Variants in FGL1 observed in about 807,000 individuals in gnomAD.
FGL1 encodes fibrinogen like 1.
Under a neutral mutation model 43.7 loss-of-function variants are expected in FGL1, and 59 were observed. That is an observed-to-expected ratio of 1.35 (90% CI 1.10 to 1.68). The LOEUF is 1.68. Ranked by LOEUF, FGL1 falls within the 40% of genes most tolerant of loss-of-function variation. The pLI is 0.00. For synonymous variants in FGL1, 192 were observed against 126.5 expected (o/e 1.52, Z -3.48); for missense variants, 596 against 373.0 (o/e 1.60, Z -4.92).
intron 1 of FGL1, 88 bp from the exon 2 acceptor site, chr8:17,885,659 G>T (rs932893108): frequency 3.8e-4 from 408 of 1,066,052 alleles, no homozygotes; most frequent in Non-Finnish European, 5.4e-4. Context: ...CCAGGAAGTC[G>T]GATGCAGCCG....
At chr8:17,869,391 G>C (rs2053322771) in intron 5 of FGL1, among the ~76,000 whole-genome samples, 2 of 152,136 alleles carry the variant, frequency 1.3e-5, no homozygotes, top group Admixed American at 1.3e-4. Flanking sequence ...TGTTGATCTT[G>C]AATATAAATG....
chr8:17,885,691 G>C, intron 1 of FGL1, 120 bp from the exon 2 acceptor site: 5 of 717,962 alleles, frequency 7.0e-6, no homozygotes, highest in South Asian at 1.8e-5. Context: ...TAATCTTAGA[G>C]TCGCCGAGGA....
At chr8:17,866,820 G>C (rs553995468) in intron 7 of FGL1, among the ~76,000 whole-genome samples, 7 of 152,340 alleles carry the variant, frequency 4.6e-5, no homozygotes, top group Admixed American at 4.6e-4. Context: ...AAACATTGGT[G>C]ATGCTTGCAG....
chr8:17,865,144 A>T (rs2053251717), intron 7 of FGL1, among the ~76,000 whole-genome samples: 1 of 152,184 alleles, frequency 6.6e-6, no homozygotes, highest in Admixed American at 6.5e-5. Flanking sequence ...TGAAAATACA[A>T]CCCAGGCCAC....
rs1320560944 is a variant in FGL1 at position 17,882,151 on chromosome 8, A to G, written c.92T>C (p.Met31Thr). 1.2e-6 allele frequency: 2 copies of G among 1,613,812 alleles called. No homozygotes were observed. The highest frequency in any genetic ancestry group is 2.7e-5 in the African/African-American group (2 of 74,906). The change falls in exon 3 of 8, where the codon ATG becomes ACG. Residue 31 changes from methionine to threonine, a missense_variant. Coordinates refer to ENST00000427924, the MANE Select transcript of FGL1 (RefSeq NM_004467.4). ...SALEDCAQEQ[M>T]RLRAQVRLLE... ...CAGGCGCACCTGGGCTCTGAGCCGC[A>G]TCTGCTCCTGGGCACAGTCCTCGAG... is the stretch of plus-strand genomic sequence containing the variant.
Position 17,885,563 on chromosome 8 carries a change from T to A in FGL1, c.-9A>T. 6.2e-7 allele frequency: 1 copy of A among 1,612,732 alleles called. No individual in the cohort carries two copies. The highest frequency in any genetic ancestry group is 8.5e-7 in the Non-Finnish European group (1 of 1,179,384). On this transcript the variant is annotated 5_prime_UTR_variant, in exon 2 of 8. The change creates a new upstream start codon in the 5' untranslated region. Coordinates refer to ENST00000427924, the MANE Select transcript of FGL1 (RefSeq NM_004467.4). ...CTGAACACCTTTGCCATGTTCCCCC[T>A]TGAAAAAACTGCAAGAACAAAAAGA... is the stretch of plus-strand genomic sequence containing the variant.
At chr8:17,867,234 C>T (rs77424039) in intron 7 of FGL1, among the ~76,000 whole-genome samples, 3,171 of 152,002 alleles carry the variant, frequency 0.021, 58 homozygotes, top group South Asian at 0.049. Context: ...GTCTGATAAC[C>T]GAAACAGCTA....
At chr8:17,880,993 G>C (rs961370219) in intron 3 of FGL1, among the ~76,000 whole-genome samples, 3 of 151,896 alleles carry the variant, frequency 2.0e-5, no homozygotes, top group Admixed American at 6.6e-5. Flanking sequence ...TCCTTTTTCT[G>C]CTCCTTTATT....
chr8:17,878,407 C>G (rs1205035331), intron 3 of FGL1, among the ~76,000 whole-genome samples: 2 of 152,182 alleles, frequency 1.3e-5, no homozygotes, highest in Admixed American at 6.5e-5. Flanking sequence ...ACTTTGAAAT[C>G]AAACTCCAGA....
intron 5 of FGL1, among the ~76,000 whole-genome samples, chr8:17,871,491 C>A (rs1047373797): frequency 6.2e-3 from 810 of 131,350 alleles, no homozygotes; most frequent in Non-Finnish European, 6.7e-3. Flanking sequence ...AAATCTGTCT[C>A]AAAAAAAAAA....
At chr8:17,864,871 A>T in intron 7 of FGL1, 120 bp from the exon 8 acceptor site, 2 of 808,788 alleles carry the variant, frequency 2.5e-6, no homozygotes, top group Non-Finnish European at 1.7e-6. Context: ...GCCATTTTTC[A>T]GACAAGTAAA....
chr8:17,886,624 G>C (rs567199136), intron 1 of FGL1, among the ~76,000 whole-genome samples: 1 of 152,146 alleles, frequency 6.6e-6, no homozygotes, highest in Non-Finnish European at 1.5e-5. Context: ...CAGGCGTGGT[G>C]GTGGGCGCCT....
At chr8:17,877,362 G>A (rs192232013) in intron 3 of FGL1, among the ~76,000 whole-genome samples, 2 of 152,306 alleles carry the variant, frequency 1.3e-5, no homozygotes, top group East Asian at 3.9e-4. Context: ...TGATCATGCA[G>A]AAAGTAAGCC....
intron 2 of FGL1, among the ~76,000 whole-genome samples, chr8:17,884,760 G>T (rs557163664): frequency 5.4e-4 from 82 of 152,214 alleles, no homozygotes; most frequent in Admixed American, 3.8e-3. Flanking sequence ...GATTGCATAC[G>T]CATATTTAGT....
intron 3 of FGL1, among the ~76,000 whole-genome samples, chr8:17,877,277 T>C (rs1489148876): frequency 6.6e-6 from 1 of 152,176 alleles, no homozygotes; most frequent in Admixed American, 6.5e-5. Context: ...TACATAATAC[T>C]AGACAGAGGC....
chr8:17,865,915 C>G (rs1300093513), intron 7 of FGL1, among the ~76,000 whole-genome samples: 1 of 152,124 alleles, frequency 6.6e-6, no homozygotes, highest in African/African-American at 2.4e-5. Context: ...ACTGAGCGTT[C>G]TCGAAGTCCT....
chr8:17,885,422 G>T, intron 2 of FGL1, 70 bp downstream of exon 2: 2 of 1,362,528 alleles, frequency 1.5e-6, no homozygotes, highest in Non-Finnish European at 2.1e-6. Context: ...TAGGTTTAAT[G>T]CAAAATGAAA....
intron 7 of FGL1, among the ~76,000 whole-genome samples, chr8:17,866,990 G>T (rs949746075): frequency 6.6e-6 from 1 of 152,194 alleles, no homozygotes; most frequent in Admixed American, 6.5e-5. Context: ...AAGCAGGAGA[G>T]TGAAATTTGT....
At chr8:17,864,986 G>C (rs1157708861) in intron 7 of FGL1, among the ~76,000 whole-genome samples, 2 of 151,460 alleles carry the variant, frequency 1.3e-5, no homozygotes, top group Non-Finnish European at 2.9e-5. Flanking sequence ...GTGTCTCACT[G>C]TGTTGCCCTG....
Sources: allele counts gnomAD v4.1 joint callset (sites outside exome capture counted in the v4.1 genomes callset), GRCh38; gene constraint gnomAD v4.1.1; transcripts MANE v1.5; gene names NCBI Gene and HGNC (gene_info 2026-07-23, HGNC 2026-07-21).